NOX4: variants seen among roughly 807,000 people sequenced by gnomAD.
NOX4 encodes NADPH oxidase 4.
Under a neutral mutation model 87.6 loss-of-function variants are expected in NOX4, and 69 were observed. The observed-to-expected ratio is 0.79, with a 90% CI of 0.65 to 0.96. The LOEUF (loss-of-function observed/expected upper bound fraction) is 0.96. Ranked by LOEUF, NOX4 falls within the 40% of genes least tolerant of loss-of-function variation. The pLI is 0.00. For missense variants in NOX4, 680 were observed against 681.5 expected, an observed-to-expected ratio of 1.00 and a Z score of 0.02; for synonymous variants, 275 against 238.2, an observed-to-expected ratio of 1.15 and a Z score of -1.42.
chr11:89,459,518 GACAA>G (rs932876163), intron 2 of NOX4, among the ~76,000 whole-genome samples: 2 of 151,888 alleles, frequency 1.3e-5, no homozygotes, highest in African/African-American at 4.8e-5. Context: ...CACCAATAAC[GACAA>G]ACAGAGAGCC....
chr11:89,507,980 G>T, the NOX4 span, among the ~76,000 whole-genome samples: 3 of 151,952 alleles, frequency 2.0e-5, no homozygotes, highest in Non-Finnish European at 2.9e-5. Flanking sequence ...AGTTATATTT[G>T]CCCTCATAGT....
chr11:89,457,509 G>A (rs1945260093), intron 2 of NOX4, among the ~76,000 whole-genome samples: 1 of 152,176 alleles, frequency 6.6e-6, no homozygotes, highest in African/African-American at 2.4e-5. Context: ...CCCCCCGAGT[G>A]AATCAGATTC....
Position 89,325,487 on chromosome 11 carries a change from A to G in NOX4, c.*1269T>C, listed in dbSNP as rs1590924376. The G allele has an allele frequency of 6.6e-6, 1 of 152,182 alleles. No homozygotes were observed. Among genetic ancestry groups the G allele is most frequent in the Non-Finnish European group, 1.5e-5 (1 of 68,040 alleles). The allele number at this position is 152,182 out of a possible 1,614,324, so 9.4% of individuals were successfully genotyped here. ...TATGATAGCCAGGGAACATAAGTTT[A>G]TAAGATCACACAGTGTAGTTCCAAC... is the stretch of plus-strand genomic sequence containing the variant. On this transcript the variant is annotated 3_prime_UTR_variant, in exon 18 of 18. Coordinates refer to ENST00000263317, the MANE Select transcript of NOX4 (RefSeq NM_016931.5).
the NOX4 span, among the ~76,000 whole-genome samples, chr11:89,552,102 T>C: frequency 6.6e-6 from 1 of 152,200 alleles, no homozygotes; most frequent in African/African-American, 2.4e-5. Context: ...TAAAATGTTA[T>C]CTGTTCCTCA....
At chr11:89,542,376 C>T in the NOX4 span, among the ~76,000 whole-genome samples, 232 of 152,286 alleles carry the variant, frequency 1.5e-3, 2 homozygotes, top group Middle Eastern at 0.014. Context: ...TACCTCAGGG[C>T]ACTCTGCTCA....
chr11:89,343,042 C>G (rs1424768293), intron 13 of NOX4, among the ~76,000 whole-genome samples: 2 of 152,114 alleles, frequency 1.3e-5, no homozygotes, highest in Non-Finnish European at 2.9e-5. Context: ...CTCCTTCCTA[C>G]TTGTCTGCTT....
chr11:89,399,793 G>T (rs1164454900), intron 11 of NOX4, among the ~76,000 whole-genome samples: 1 of 151,598 alleles, frequency 6.6e-6, no homozygotes. Context: ...GCTTTAATAC[G>T]TTTTAATTCA....
intron 6 of NOX4, among the ~76,000 whole-genome samples, chr11:89,435,322 G>A (rs1944024900): frequency 6.6e-6 from 1 of 151,966 alleles, no homozygotes; most frequent in South Asian, 2.1e-4. Flanking sequence ...TTCTATGTCT[G>A]CATACACTTT....
the NOX4 span, among the ~76,000 whole-genome samples, chr11:89,504,058 A>G: frequency 1.3e-5 from 2 of 151,666 alleles, no homozygotes; most frequent in African/African-American, 2.4e-5. Context: ...AAATCTTCGT[A>G]GTCTTGAGTG....
At chr11:89,344,331 C>T (rs1332696096) in intron 13 of NOX4, among the ~76,000 whole-genome samples, 2 of 152,086 alleles carry the variant, frequency 1.3e-5, no homozygotes, top group Non-Finnish European at 2.9e-5. Context: ...GAGGCTGAGG[C>T]AGGAGGATGG....
At chr11:89,433,957 A>G in intron 6 of NOX4, among the ~76,000 whole-genome samples, 1 of 152,206 alleles carries the variant, frequency 6.6e-6, no homozygotes, top group East Asian at 1.9e-4. Context: ...AATAAGTTAC[A>G]TTTGTTTACT....
rs1007525372 is a variant in NOX4, at chr11:89,446,525, T to A, written c.350-2293A>T. The stretch of plus-strand genomic sequence containing the variant: ...TGTGGTACATCCAGATAAGGGAATA[T>A]TATTTACCACTATAAAAAGATGAAC... On this transcript the variant is annotated intron_variant, in intron 4 of 17. Coordinates refer to ENST00000263317, the MANE Select transcript of NOX4 (RefSeq NM_016931.5). 5.3e-5 allele frequency among the ~76,000 whole-genome samples: 8 copies of A among 151,864 alleles called. 1 individual carries two copies. Among genetic ancestry groups the A allele is most frequent in the African/African-American group, 1.5e-4 (6 of 41,354 alleles).
At chr11:89,411,928 C>G (rs531962142) in intron 8 of NOX4, among the ~76,000 whole-genome samples, 1 of 152,122 alleles carries the variant, frequency 6.6e-6, no homozygotes, top group Non-Finnish European at 1.5e-5. Context: ...AAGAAACACA[C>G]TTCACCTATG....
intron 6 of NOX4, among the ~76,000 whole-genome samples, chr11:89,438,822 ATAATATCTTATATATTATATATAT>A (rs1944274190): frequency 3.5e-4 from 17 of 48,458 alleles, no homozygotes; most frequent in South Asian, 6.6e-4. Flanking sequence ...TATATATTAT[ATAATATCTTATATATTATATATAT>A]TATATAATAT....
At position 89,353,069 on chromosome 11, in the gene NOX4, TC is replaced by T. The variant is rs1439390041; in HGVS notation, c.1217+1892del. ...CCTGCCCTCAGGCGATCCACCTGCC[TC>T]GGCTTCCCAAAGTGCTGGGATTACA... On this transcript the variant is annotated intron_variant, in intron 13 of 17. Transcript: ENST00000263317. Among the ~76,000 whole-genome samples, 7 of 152,352 alleles carry T rather than the reference TC, an allele frequency of 4.6e-5. No homozygotes were observed. The East Asian group carries it at 1.4e-3, about 29-fold the overall frequency.
At chr11:89,432,879 G>T (rs1344908155) in intron 6 of NOX4, 23 bp from the exon 7 acceptor site, 49 of 1,518,502 alleles carry the variant, frequency 3.2e-5, no homozygotes, top group Non-Finnish European at 4.2e-5. Context: ...ATACAAGTAG[G>T]TTTTTACTTA....
chr11:89,550,422 G>A, the NOX4 span, among the ~76,000 whole-genome samples: 1 of 152,060 alleles, frequency 6.6e-6, no homozygotes, highest in African/African-American at 2.4e-5. Context: ...CTGACCTCAG[G>A]TGATCTGCCA....
chr11:89,362,173 G>GACACACACACACACAC (rs148208109), intron 12 of NOX4, among the ~76,000 whole-genome samples: 1 of 146,920 alleles, frequency 6.8e-6, no homozygotes, highest in Admixed American at 6.8e-5. Flanking sequence ...CACAGACACA[G>GACACACACACACACAC]ACACACACAC....
chr11:89,558,320 A>T, the NOX4 span, among the ~76,000 whole-genome samples: 2 of 152,136 alleles, frequency 1.3e-5, no homozygotes, highest in Admixed American at 1.3e-4. Context: ...CCAACTGCAG[A>T]AAGATTAATT....
Sources: gnomAD v4.1 joint callset for allele counts (sites outside exome capture counted in the v4.1 genomes callset) on GRCh38, gnomAD v4.1.1 for gene constraint, MANE v1.5 for transcripts, NCBI Gene and HGNC (gene_info 2026-07-23, HGNC 2026-07-21) for gene names.